Variants in ADGRL2 observed in about 807,000 individuals in gnomAD.
The protein encoded by ADGRL2 is adhesion G protein-coupled receptor L2, also known as calcium-independent alpha-latrotoxin receptor 2.
A neutral mutation model predicts 157.4 loss-of-function variants in ADGRL2; 44 were observed. The observed-to-expected ratio is 0.28, with a 90% CI of 0.22 to 0.36. ADGRL2 has a LOEUF of 0.36. Among genes scored for constraint, ADGRL2 ranks in the 10% least tolerant of loss-of-function variants. The pLI is 1.00. For synonymous variants in ADGRL2, 585 were observed against 624.7 expected (o/e 0.94, Z 0.95); for missense variants, 1,510 against 1,768.9 (o/e 0.85, Z 2.63).
intron 1 of ADGRL2, among the ~76,000 whole-genome samples, chr1:81,727,280 G>A (rs985443268): frequency 6.6e-6 from 1 of 151,988 alleles, no homozygotes; most frequent in Non-Finnish European, 1.5e-5. Flanking sequence ...GAAATATTAA[G>A]ACATAATTAG....
intron 1 of ADGRL2, among the ~76,000 whole-genome samples, chr1:81,754,650 C>A (rs556759669): frequency 7.1e-6 from 1 of 141,494 alleles, no homozygotes; most frequent in African/African-American, 2.6e-5. Context: ...CTTTCCTTTC[C>A]TTCCTTCCTC....
intron 1 of ADGRL2, among the ~76,000 whole-genome samples, chr1:81,700,401 G>A (rs966858396): frequency 2.0e-5 from 3 of 152,176 alleles, no homozygotes; most frequent in Non-Finnish European, 4.4e-5. Context: ...ATCGAATCTA[G>A]CAGTCATTGC....
chr1:81,322,109 T>TATATAC (rs71592379), intron 1 of ADGRL2, among the ~76,000 whole-genome samples: 20,716 of 129,476 alleles, frequency 0.16, 2,083 homozygotes, highest in Non-Finnish European at 0.22. Flanking sequence ...TATATATATA[T>TATATAC]ACACATATAT....
chr1:81,329,884 G>T (rs1382628230), intron 1 of ADGRL2, among the ~76,000 whole-genome samples: 1 of 152,060 alleles, frequency 6.6e-6, no homozygotes, highest in Non-Finnish European at 1.5e-5. Context: ...TTAATATATT[G>T]CTCTAGAAAT....
At chr1:81,794,770 T>C (rs576272667) in intron 2 of ADGRL2, among the ~76,000 whole-genome samples, 1 of 152,212 alleles carries the variant, frequency 6.6e-6, no homozygotes, top group Non-Finnish European at 1.5e-5. Context: ...TGTAAAGAGT[T>C]TCAATAAGTT....
At chr1:81,677,307 G>T (rs923167746) in intron 3 of ADGRL2, among the ~76,000 whole-genome samples, 1 of 152,114 alleles carries the variant, frequency 6.6e-6, no homozygotes, top group African/African-American at 2.4e-5. Flanking sequence ...TTTTTAAACG[G>T]AAGATTCAGG....
chr1:81,602,239 C>T (rs548165187), intron 3 of ADGRL2, among the ~76,000 whole-genome samples: 2 of 152,220 alleles, frequency 1.3e-5, no homozygotes, highest in African/African-American at 2.4e-5. Context: ...GTGGGTGGAT[C>T]GCTTGAGGTC....
At chr1:81,603,996 C>T (rs915022091) in intron 3 of ADGRL2, among the ~76,000 whole-genome samples, 1 of 146,486 alleles carries the variant, frequency 6.8e-6, no homozygotes, top group Non-Finnish European at 1.5e-5. Flanking sequence ...CAGAGTCTTG[C>T]TCTGTCCTTT....
At chr1:81,909,206 T>C (rs542212418) in intron 3 of ADGRL2, among the ~76,000 whole-genome samples, 124 of 152,068 alleles carry the variant, frequency 8.2e-4, no homozygotes, top group Non-Finnish European at 1.5e-3. Context: ...TGTTTAATCT[T>C]AGCCCATTTT....
rs187073029 is a variant in ADGRL2, at chr1:81,927,433, T to G, written c.288-9295T>G. Among the ~76,000 whole-genome samples the G allele has an allele frequency of 4.0e-3, 615 of 152,108 alleles. 3 individuals carry two copies. The highest frequency in any genetic ancestry group is 7.2e-3 in the Non-Finnish European group (491 of 67,876). ...CAAGGATTTAATCACAGGTGCAATT[T>G]TAAAAAATCAGGATTATATTTAAAA... On this transcript the variant is annotated intron_variant, in intron 3 of 23. Transcript: ENST00000686636.
intron 2 of ADGRL2, among the ~76,000 whole-genome samples, chr1:81,886,561 G>A (rs1178265522): frequency 6.6e-6 from 1 of 152,134 alleles, no homozygotes; most frequent in Non-Finnish European, 1.5e-5. Flanking sequence ...CACCTTCTTA[G>A]AGTGAGTTAA....
chr1:81,983,544 A>G (rs528782489), intron 19 of ADGRL2, among the ~76,000 whole-genome samples: 1 of 152,094 alleles, frequency 6.6e-6, no homozygotes, highest in African/African-American at 2.4e-5. Context: ...CTTTACAGGC[A>G]GTTACTGCAC....
intron 3 of ADGRL2, among the ~76,000 whole-genome samples, chr1:81,668,134 G>A (rs939585955): frequency 6.6e-6 from 1 of 152,120 alleles, no homozygotes; most frequent in Non-Finnish European, 1.5e-5. Flanking sequence ...ATATAAGCAA[G>A]TTTTCCGACC....
chr1:81,437,164 G>A (rs1002916544), intron 1 of ADGRL2, among the ~76,000 whole-genome samples: 5 of 152,162 alleles, frequency 3.3e-5, no homozygotes, highest in South Asian at 2.1e-4. Context: ...GAACAAAATC[G>A]CTGTTGCTGC....
intron 2 of ADGRL2, among the ~76,000 whole-genome samples, chr1:81,467,426 T>G (rs557661829): frequency 3.7e-4 from 57 of 152,306 alleles, no homozygotes; most frequent in African/African-American, 1.4e-3. Context: ...AAATAAATGC[T>G]ACTGCTATTA....
At chr1:81,839,467 G>A (rs2092446239) in intron 2 of ADGRL2, among the ~76,000 whole-genome samples, 1 of 151,712 alleles carries the variant, frequency 6.6e-6, no homozygotes, top group South Asian at 2.1e-4. Context: ...TTGAGATTCT[G>A]GTGCACCCAT....
At chr1:81,800,933 C>T (rs901311131), upstream of ADGRL2, among the ~76,000 whole-genome samples, 2 of 148,976 alleles carry the variant, frequency 1.3e-5, no homozygotes, top group Non-Finnish European at 3.0e-5. Flanking sequence ...GCGCGTTCCA[C>T]GGCCGTGCGC....
intron 2 of ADGRL2, among the ~76,000 whole-genome samples, chr1:81,548,425 A>C (rs1025547352): frequency 1.3e-5 from 2 of 151,728 alleles, no homozygotes; most frequent in Non-Finnish European, 1.5e-5. Flanking sequence ...GCAAGTTATA[A>C]TTGTGAGCGC....
At chr1:81,482,806 T>A (rs2078417582) in intron 2 of ADGRL2, among the ~76,000 whole-genome samples, 1 of 151,460 alleles carries the variant, frequency 6.6e-6, no homozygotes, top group African/African-American at 2.4e-5. Flanking sequence ...ACATTTTACA[T>A]TATATATATG....
Sources: gnomAD v4.1 joint callset for allele counts (sites outside exome capture counted in the v4.1 genomes callset) on GRCh38, gnomAD v4.1.1 for gene constraint, MANE v1.5 for transcripts, NCBI Gene and HGNC (gene_info 2026-07-23, HGNC 2026-07-21) for gene names.